Variants in SMOC2 observed in about 807,000 individuals in gnomAD.
SMOC2 encodes the protein SPARC related modular calcium binding 2.
In SMOC2, 39 loss-of-function variants were observed where a neutral mutation model predicts 61.4. The observed-to-expected ratio is 0.64, with a 90% confidence interval of 0.49 to 0.83. The LOEUF (loss-of-function observed/expected upper bound fraction) is 0.83. Ranked by LOEUF, SMOC2 falls within the 40% of genes least tolerant of loss-of-function variation. The pLI, the probability that SMOC2 is intolerant of heterozygous loss-of-function variation, is 0.00. For synonymous variants in SMOC2, 247 were observed against 239.9 expected (o/e 1.03, Z -0.27); for missense variants, 556 against 592.9 (o/e 0.94, Z 0.65).
At chr6:168,545,240 T>C (rs1024553061) in intron 5 of SMOC2, among the ~76,000 whole-genome samples, 1 of 147,552 alleles carries the variant, frequency 6.8e-6, no homozygotes, top group Non-Finnish European at 1.5e-5. Context: ...TTTATTATGA[T>C]ATTTATTGTA....
intron 2 of SMOC2, among the ~76,000 whole-genome samples, chr6:168,514,538 A>G (rs1392604223): frequency 1.3e-5 from 2 of 152,266 alleles, no homozygotes; most frequent in African/African-American, 2.4e-5. Flanking sequence ...AGAAAGACTC[A>G]GATGTGATTT....
At chr6:168,627,481 C>T (rs1172297282) in intron 9 of SMOC2, among the ~76,000 whole-genome samples, 1 of 152,118 alleles carries the variant, frequency 6.6e-6, no homozygotes, top group Non-Finnish European at 1.5e-5. Flanking sequence ...GGCAGGATGT[C>T]AGGAAGAAAA....
intron 2 of SMOC2, among the ~76,000 whole-genome samples, chr6:168,523,107 A>G (rs1583078399): frequency 7.6e-5 from 2 of 26,230 alleles, no homozygotes; most frequent in African/African-American, 1.2e-4. Flanking sequence ...TTTGAGACGG[A>G]GTCTCGCTCT....
chr6:168,499,054 G>A (rs376826436), intron 1 of SMOC2, among the ~76,000 whole-genome samples: 92 of 129,596 alleles, frequency 7.1e-4, no homozygotes, highest in Non-Finnish European at 1.1e-3. Context: ...TGGGGGGACA[G>A]CCAGGGCCCA....
At chr6:168,658,925 G>T (rs1287904794) in intron 11 of SMOC2, among the ~76,000 whole-genome samples, 1 of 149,946 alleles carries the variant, frequency 6.7e-6, no homozygotes, top group East Asian at 2.0e-4. Context: ...TGTGTGTGTG[G>T]AGTGTGTGTA....
Position 168,575,082 on chromosome 6 carries a change from G to A in SMOC2, c.638-23736G>A, listed in dbSNP as rs1227441185. On this transcript the variant is annotated intron_variant, in intron 7 of 12. Transcript: ENST00000356284. ...AGCACCCTTGGTCTGGGAGGCGGGA[G>A]GAAGTGTGTCTGTGGGGAAAGGTTT... 3.3e-5 allele frequency among the ~76,000 whole-genome samples: 5 copies of A among 152,190 alleles called. No homozygotes were observed. The East Asian group carries it at 5.8e-4, about 18-fold the overall frequency.
intron 11 of SMOC2, among the ~76,000 whole-genome samples, chr6:168,662,768 C>T (rs575031845): frequency 2.0e-5 from 3 of 152,124 alleles, no homozygotes; most frequent in Non-Finnish European, 4.4e-5. Context: ...CGAGGAGTGT[C>T]GGGCTCTGGA....
chr6:168,461,718 C>T (rs1245694292), intron 1 of SMOC2, among the ~76,000 whole-genome samples: 1 of 152,210 alleles, frequency 6.6e-6, no homozygotes, highest in African/African-American at 2.4e-5. Flanking sequence ...AGACATCTGG[C>T]TGTCACCCAA....
chr6:168,534,530 C>T (rs1783689964), intron 4 of SMOC2, among the ~76,000 whole-genome samples: 1 of 152,234 alleles, frequency 6.6e-6, no homozygotes, highest in Non-Finnish European at 1.5e-5. Context: ...AAGCTCCCAT[C>T]TGGGCCCAGC....
intron 7 of SMOC2, among the ~76,000 whole-genome samples, chr6:168,581,858 C>T (rs1338894309): frequency 6.6e-6 from 1 of 152,144 alleles, no homozygotes; most frequent in South Asian, 2.1e-4. Flanking sequence ...ATGGGGCCTG[C>T]ACTCAGCCGC....
chr6:168,449,449 T>A (rs1455400012), intron 1 of SMOC2, among the ~76,000 whole-genome samples: 1 of 152,180 alleles, frequency 6.6e-6, no homozygotes, highest in Admixed American at 6.5e-5. Flanking sequence ...CCATATGTGC[T>A]TATAATTTTA....
chr6:168,650,630 A>C (rs2281689), intron 9 of SMOC2, 51 bp from the exon 10 acceptor site: 1 of 1,543,130 alleles, frequency 6.5e-7, no homozygotes, highest in South Asian at 1.2e-5. Context: ...TTTAGAGGAA[A>C]ATCTGTTAGG....
chr6:168,486,335 C>A (rs1433154693), intron 1 of SMOC2, among the ~76,000 whole-genome samples: 2 of 152,034 alleles, frequency 1.3e-5, no homozygotes, highest in Non-Finnish European at 2.9e-5. Flanking sequence ...ATACTCACAT[C>A]ATTTCCTTCT....
At chr6:168,559,534 T>C (rs1446314506) in intron 7 of SMOC2, among the ~76,000 whole-genome samples, 2 of 152,168 alleles carry the variant, frequency 1.3e-5, no homozygotes, top group Non-Finnish European at 2.9e-5. Flanking sequence ...ACTGTGATTC[T>C]GTTTCCATGG....
At chr6:168,556,185 G>T (rs2115116107) in intron 7 of SMOC2, among the ~76,000 whole-genome samples, 1 of 152,314 alleles carries the variant, frequency 6.6e-6, no homozygotes, top group South Asian at 2.1e-4. Flanking sequence ...AGGGACTCAG[G>T]TGGGGGTCCC....
chr6:168,653,653 T>C (rs543616518), intron 11 of SMOC2, among the ~76,000 whole-genome samples: 1,058 of 67,292 alleles, frequency 0.016, 14 homozygotes, highest in African/African-American at 0.054. Context: ...ACCAACCCTC[T>C]ACCTGAGCTC....
At chr6:168,601,186 C>G (rs1022870736) in intron 8 of SMOC2, among the ~76,000 whole-genome samples, 1 of 152,240 alleles carries the variant, frequency 6.6e-6, no homozygotes, top group East Asian at 1.9e-4. Context: ...TCCAGGGGCT[C>G]AAGCCGACTA....
chr6:168,506,793 AT>A lies in SMOC2; in HGVS notation c.85-3119del, dbSNP rs138798230. 7.3e-3 allele frequency among the ~76,000 whole-genome samples: 1,113 copies of A among 152,350 alleles called. 16 individuals are homozygous for A. The highest frequency in any genetic ancestry group is 0.025 in the African/African-American group (1,057 of 41,580). On this transcript the variant is annotated intron_variant, in intron 1 of 12. Transcript: ENST00000356284. Reference sequence around the variant, plus strand: ...CGATGTCCAGTTCATTGCATTCTACATTTAGCAAAGTACTTTTTATCTTGAA... The same window carrying A: ...CGATGTCCAGTTCATTGCATTCTACATTAGCAAAGTACTTTTTATCTTGAA...
chr6:168,563,577 G>C (rs1784473875), intron 7 of SMOC2, among the ~76,000 whole-genome samples: 1 of 152,126 alleles, frequency 6.6e-6, no homozygotes, highest in Non-Finnish European at 1.5e-5. Flanking sequence ...CAGGGTGATG[G>C]TGTTAGGGGC....
Sources: allele counts gnomAD v4.1 joint callset (sites outside exome capture counted in the v4.1 genomes callset), GRCh38; gene constraint gnomAD v4.1.1; transcripts MANE v1.5; gene names NCBI Gene and HGNC (gene_info 2026-07-23, HGNC 2026-07-21).